The following ANO10 variants were observed in gnomAD, a reference collection of about 807,000 sequenced individuals.
The protein encoded by ANO10 is anoctamin 10.
In ANO10, 77 loss-of-function variants were observed where a neutral mutation model predicts 74.7. The ratio of observed to expected loss-of-function variants is 1.03; its 90% CI spans 0.86 to 1.25. ANO10 has a LOEUF of 1.25. Among genes scored for constraint, ANO10 ranks in the 50% most tolerant of loss-of-function variants. The pLI, the probability that ANO10 is intolerant of heterozygous loss-of-function variation, is 0.00. For missense variants in ANO10, 721 were observed against 778.1 expected (o/e 0.93, Z 0.87); for synonymous variants, 279 against 284.9 (o/e 0.98, Z 0.21).
intron 11 of ANO10, among the ~76,000 whole-genome samples, chr3:43,495,314 T>C (rs1460982165): frequency 6.6e-6 from 1 of 151,296 alleles, no homozygotes; most frequent in Non-Finnish European, 1.5e-5. Context: ...CCAAGAAATT[T>C]TGAGGATTAT....
upstream of ANO10, among the ~76,000 whole-genome samples, chr3:43,626,564 G>A (rs929784459): frequency 2.6e-5 from 4 of 151,958 alleles, no homozygotes. Context: ...GCCTCCCAAA[G>A]TGCTGGGATT....
At chr3:43,668,879 C>CT (rs563201225) in intron 1 of ANO10, among the ~76,000 whole-genome samples, 3 of 151,950 alleles carry the variant, frequency 2.0e-5, no homozygotes, top group African/African-American at 4.8e-5. Context: ...ATATTCCATA[C>CT]TTTTTTTCGC....
In ANO10 at chr3:43,605,267, A is replaced by G. The variant is rs1265229931; in HGVS notation, c.139+447T>C. 3.3e-5 allele frequency among the ~76,000 whole-genome samples: 5 copies of G among 152,168 alleles called. No individual in the cohort carries two copies. The East Asian group carries it at 9.6e-4, about 29-fold the overall frequency. ...TGCACTGCTTTGTGACAGCTCTTCCATGTACTTTTCTTTATTTTGAATTTC... is the reference window on the plus strand; with the variant it reads ...TGCACTGCTTTGTGACAGCTCTTCCGTGTACTTTTCTTTATTTTGAATTTC... On this transcript the variant is annotated intron_variant, in intron 2 of 12. Coordinates refer to ENST00000292246, the MANE Select transcript of ANO10 (RefSeq NM_018075.5).
intron 1 of ANO10, among the ~76,000 whole-genome samples, chr3:43,643,962 G>A (rs777764164): frequency 5.3e-5 from 8 of 152,046 alleles, no homozygotes; most frequent in Non-Finnish European, 1.0e-4. Flanking sequence ...GGGATTACAT[G>A]CGTGAGCCAC....
chr3:43,653,353 C>A (rs1559386090), intron 1 of ANO10, among the ~76,000 whole-genome samples: 1 of 152,038 alleles, frequency 6.6e-6, no homozygotes, highest in African/African-American at 2.4e-5. Context: ...AAAGAAATGC[C>A]AATTGAAGCA....
intron 12 of ANO10, among the ~76,000 whole-genome samples, chr3:43,404,160 C>T (rs531990807): frequency 6.6e-6 from 1 of 152,152 alleles, no homozygotes; most frequent in Non-Finnish European, 1.5e-5. Context: ...AAAAGAGGGC[C>T]TCAGCTGTCC....
intron 11 of ANO10, among the ~76,000 whole-genome samples, chr3:43,547,810 A>G (rs991041763): frequency 3.7e-4 from 57 of 152,214 alleles, no homozygotes; most frequent in African/African-American, 1.4e-3. Context: ...CACTAAATAC[A>G]AAAGAAAGCA....
At chr3:43,519,891 G>A (rs933474601) in intron 11 of ANO10, among the ~76,000 whole-genome samples, 2 of 152,132 alleles carry the variant, frequency 1.3e-5, no homozygotes, top group African/African-American at 2.4e-5. Context: ...TTCAGTTCTT[G>A]TAACTGTAGG....
At position 43,592,620 on chromosome 3, in the gene ANO10, G is replaced by T. The variant is rs532178445; in HGVS notation, c.472+5912C>A. Among the ~76,000 whole-genome samples the T allele has an allele frequency of 2.2e-3, 339 of 152,274 alleles. 2 individuals carry two copies. Among genetic ancestry groups the T allele is most frequent in the African/African-American group, 7.8e-3 (326 of 41,550 alleles). ...TACATCACCATGATCAAAGACCAAAGATAGATAAAATCATAAAGATGGAGA... is the reference window on the plus strand; with the variant it reads ...TACATCACCATGATCAAAGACCAAATATAGATAAAATCATAAAGATGGAGA... On this transcript the variant is annotated intron_variant, in intron 4 of 12. Coordinates refer to ENST00000292246, the MANE Select transcript of ANO10 (RefSeq NM_018075.5).
At chr3:43,472,383 A>AACCCTTAAAATTTTTTAAAT (rs1553680501) in intron 11 of ANO10, 5 of 151,500 alleles carry the variant, frequency 3.3e-5, no homozygotes, top group African/African-American at 4.9e-5. Flanking sequence ...TTTTTTAAAA[A>AACCCTTAAAATTTTTTAAAT]ACCCTTAAAA....
intron 7 of ANO10, among the ~76,000 whole-genome samples, chr3:43,566,560 C>T (rs1386722810): frequency 3.9e-5 from 6 of 152,172 alleles, no homozygotes; most frequent in Non-Finnish European, 8.8e-5. Context: ...TGGGAGGCAC[C>T]CCCCAGCAGG....
At chr3:43,431,872 C>T (rs563945385) in intron 12 of ANO10, among the ~76,000 whole-genome samples, 17 of 152,174 alleles carry the variant, frequency 1.1e-4, no homozygotes, top group African/African-American at 4.1e-4. Flanking sequence ...CCCCACTCCC[C>T]AAATGTAAGA....
intron 1 of ANO10, chr3:43,690,550 G>A (rs775104400): frequency 5.5e-4 from 90 of 163,606 alleles, no homozygotes; most frequent in Non-Finnish European, 1.7e-4. Flanking sequence ...CCTCGATTAC[G>A]CCATTTCATT....
In ANO10 at chr3:43,370,517, CT is replaced by C. The variant is rs567144057; in HGVS notation, c.1915-3544del. ...CCAGGCTGCCTCTGGCAGCTCAGTT[CT>C]TTGGCTTCTTCTCCTTAACAAACCT... On this transcript the variant is annotated intron_variant, in intron 12 of 12. Coordinates refer to ENST00000292246, the MANE Select transcript of ANO10 (RefSeq NM_018075.5). Among the ~76,000 whole-genome samples, 809 of 109,636 alleles carry C rather than the reference CT, an allele frequency of 7.4e-3. 9 individuals are homozygous for C. The highest frequency in any genetic ancestry group is 0.026 in the African/African-American group (750 of 28,418). 71.9% of individuals were successfully genotyped at this position (109,636 alleles called of 152,430 possible).
At chr3:43,690,969 C>G in intron 1 of ANO10, 1 of 1,567,608 alleles carries the variant, frequency 6.4e-7, no homozygotes, top group Non-Finnish European at 8.6e-7. Context: ...CGAGATAAGT[C>G]CCGGCGCTTG....
intron 7 of ANO10, among the ~76,000 whole-genome samples, chr3:43,571,873 A>G (rs544831874): frequency 7.8e-4 from 119 of 152,044 alleles, no homozygotes; most frequent in African/African-American, 2.7e-3. Context: ...AAAAAAAAAA[A>G]AAAAAGAAAA....
chr3:43,680,583 A>G (rs1032185096), intron 1 of ANO10, among the ~76,000 whole-genome samples: 3 of 152,164 alleles, frequency 2.0e-5, no homozygotes, highest in Admixed American at 2.0e-4. Context: ...TACAGAGACC[A>G]CCACAAAGAT....
At chr3:43,591,921 T>C (rs1044893449) in intron 4 of ANO10, among the ~76,000 whole-genome samples, 2 of 152,160 alleles carry the variant, frequency 1.3e-5, no homozygotes, top group African/African-American at 4.8e-5. Flanking sequence ...TTTCCAATGG[T>C]CTTAGCAAAC....
chr3:43,485,235 G>T (rs370489752), intron 11 of ANO10: 1 of 647,970 alleles, frequency 1.5e-6, no homozygotes, highest in African/African-American at 1.8e-5. Flanking sequence ...GCAGCTCCGG[G>T]AGTCATAGTG....
Sources: gnomAD v4.1 joint callset for allele counts (sites outside exome capture counted in the v4.1 genomes callset) on GRCh38, gnomAD v4.1.1 for gene constraint, MANE v1.5 for transcripts, NCBI Gene and HGNC (gene_info 2026-07-23, HGNC 2026-07-21) for gene names.